MYH3: variants seen among roughly 807,000 people sequenced by gnomAD.
The protein encoded by MYH3 is myosin-3.
A neutral mutation model predicts 238.0 loss-of-function variants in MYH3; 130 were observed. The ratio of observed to expected loss-of-function variants is 0.55; its 90% confidence interval spans 0.47 to 0.63. MYH3 has a LOEUF of 0.63. MYH3 is among the 30% of genes least tolerant of loss of function. The probability of loss-of-function intolerance (pLI) is 0.00; values close to 1 mark genes in which losing one functional copy is unlikely to be tolerated. For missense variants in MYH3, 1,853 were observed against 2,374.9 expected, an observed-to-expected ratio of 0.78 and a Z score of 4.57; for synonymous variants, 880 against 924.1, an observed-to-expected ratio of 0.95 and a Z score of 0.86.
chr17:10,670,617 CTCTT>C, the MYH3 span, among the ~76,000 whole-genome samples: 10 of 151,990 alleles, frequency 6.6e-5, no homozygotes, highest in Non-Finnish European at 8.8e-5. The surrounding 1 kb of genome is among the most constrained non-coding windows in gnomAD (Gnocchi z 7.0). Flanking sequence ...TTAATAATGA[CTCTT>C]TCTTACTGCA....
intron 12 of MYH3, among the ~76,000 whole-genome samples, 166 bp from the exon 13 acceptor site, chr17:10,644,868 G>A (rs1032519735): frequency 4.6e-5 from 7 of 152,232 alleles, no homozygotes; most frequent in South Asian, 2.1e-4. Flanking sequence ...AGAATATAAT[G>A]GACTTTATGA....
At chr17:10,662,173 C>T (rs1451492474), upstream of MYH3, among the ~76,000 whole-genome samples, 2 of 151,990 alleles carry the variant, frequency 1.3e-5, no homozygotes, top group African/African-American at 4.8e-5. Flanking sequence ...AGGGAGGTGC[C>T]CCCATGCCAG....
intron 28 of MYH3, among the ~76,000 whole-genome samples, chr17:10,636,441 T>G (rs2074216492): frequency 6.6e-6 from 1 of 152,168 alleles, no homozygotes; most frequent in South Asian, 2.1e-4. Flanking sequence ...TGGCAGGTGT[T>G]TCCAGCTGTT....
intron 31 of MYH3, 68 bp downstream of exon 31, chr17:10,634,769 TCTC>T (rs1188177021): frequency 1.3e-6 from 2 of 1,594,520 alleles, no homozygotes; most frequent in Non-Finnish European, 1.7e-6. Context: ...CGGGATGCAT[TCTC>T]CTCCTTCCAC....
At chr17:10,677,646 T>C in the MYH3 span, 6 of 152,346 alleles carry the variant, frequency 3.9e-5, no homozygotes, top group Admixed American at 2.0e-4. Context: ...ACTTAAGATA[T>C]CAGCTGCTTC....
At chr17:10,640,731 A>G in intron 19 of MYH3, 45 bp from the exon 20 acceptor site, 1 of 1,605,754 alleles carries the variant, frequency 6.2e-7, no homozygotes, top group Non-Finnish European at 8.5e-7. Context: ...TGGCAAAGAC[A>G]CAAACCTTGG....
At position 10,654,921 on chromosome 17, in the gene MYH3, G is replaced by A. The variant is rs1464221429; in HGVS notation, c.144C>T (p.Ala48=). 1 of 1,614,150 alleles carries A rather than the reference G, an allele frequency of 6.2e-7. No homozygotes were observed. The highest frequency in any genetic ancestry group is 2.2e-5 in the East Asian group (1 of 44,880). The part of the protein sequence containing the change: ...CFVVDSKEEY[A]KGKIKSSQDG... ...CCTGAGAACTCTTGATTTTCCCCTT[G>A]GCATATTCTTCCTTTGAGTCCACCA... The change falls in exon 3 of 41, where the codon GCC becomes GCT. Residue 48 remains alanine, a synonymous_variant. Transcript: ENST00000583535. This position sits in a 1 kb window ranked among gnomAD's most constrained non-coding sequence, Gnocchi z 4.5.
chr17:10,672,998 CTT>C, the MYH3 span: 68,069 of 135,002 alleles, frequency 0.5, 15,875 homozygotes, highest in East Asian at 0.62. Context: ...CCTAATTTTT[CTT>C]TTTTTTCTTT....
At chr17:10,676,605 T>C in the MYH3 span, 5 of 152,348 alleles carry the variant, frequency 3.3e-5, 1 homozygote, top group Middle Eastern at 0.017. Flanking sequence ...ACTCAAGTTT[T>C]CTTTCGGTTA....
chr17:10,666,088 C>T, the MYH3 span, among the ~76,000 whole-genome samples: 1 of 152,244 alleles, frequency 6.6e-6, no homozygotes. Flanking sequence ...CTCACACATA[C>T]ACCAGATTAA....
At chr17:10,671,390 T>C in the MYH3 span, among the ~76,000 whole-genome samples, 19 of 152,246 alleles carry the variant, frequency 1.2e-4, no homozygotes, top group Non-Finnish European at 2.2e-4. Flanking sequence ...CTGCCACACT[T>C]CACATTCCAT....
At chr17:10,657,812 G>T (rs1394213114), upstream of MYH3, among the ~76,000 whole-genome samples, 1 of 151,750 alleles carries the variant, frequency 6.6e-6, no homozygotes, top group Non-Finnish European at 1.5e-5. Flanking sequence ...CCTGTGCCAG[G>T]AATAATTAAT....
rs1445778233 is a variant in MYH3, at chr17:10,654,050, C to T, written c.204+811G>A. On this transcript the variant is annotated intron_variant, in intron 3 of 40. Coordinates refer to ENST00000583535, the MANE Select transcript of MYH3 (RefSeq NM_002470.4). This position sits in a 1 kb window ranked among gnomAD's most constrained non-coding sequence, Gnocchi z 4.5. ...TAGGCTCACTGCAAGCTCCACCTCC[C>T]GGGTTCACGTGCAGGGCGGTTTTTA... Among the ~76,000 whole-genome samples the T allele has an allele frequency of 1.3e-5, 2 of 152,036 alleles. No individual in the cohort carries two copies. Among genetic ancestry groups the T allele is most frequent in the African/African-American group, 2.4e-5 (1 of 41,412 alleles).
Position 10,649,729 on chromosome 17 carries a change from AGT to A in MYH3, c.534-46_534-45del, listed in dbSNP as rs781114499. 48 of 1,581,714 alleles carry A rather than the reference AGT, an allele frequency of 3.0e-5. No individual in the cohort carries two copies. The African/African-American group carries it at 6.4e-4, about 21-fold the overall frequency. On this transcript the variant is annotated intron_variant, in intron 6 of 40. Coordinates refer to ENST00000583535, the MANE Select transcript of MYH3 (RefSeq NM_002470.4). ...AGAGAGAGAAAGAAACAAGTCTGTT[AGT>A]ATAAACAGGCTTTTCAGGATGTCAT...
Position 10,637,926 on chromosome 17 carries a change from C to T in MYH3, c.3739G>A (p.Glu1247Lys), listed in dbSNP as rs770539752. Residue 1247 changes from glutamate (E) to lysine (K), a missense_variant, in exon 28 of 41, where the codon GAA becomes AAA. Coordinates refer to ENST00000583535, the MANE Select transcript of MYH3 (RefSeq NM_002470.4). ...ESVSKSKANL[E>K]KICRTLEDQL... ...TCCTCCAGGGTTCGGCAGATTTTTT[C>T]CAGATTTGCCTGAAGGATTCAGAAA... 1 of 1,614,090 alleles carries T rather than the reference C, an allele frequency of 6.2e-7. No homozygotes were observed. Among genetic ancestry groups the T allele is most frequent in the South Asian group, 1.1e-5 (1 of 91,068 alleles).
chr17:10,666,335 G>A, the MYH3 span, among the ~76,000 whole-genome samples: 20 of 151,850 alleles, frequency 1.3e-4, no homozygotes, highest in South Asian at 6.3e-4. Context: ...ATCACAACAC[G>A]TTGGCCAGCT....
At chr17:10,658,449 A>G (rs1196419410), upstream of MYH3, 1 of 152,284 alleles carries the variant, frequency 6.6e-6, no homozygotes, top group East Asian at 1.9e-4. Context: ...GTCTCAGGGC[A>G]AAGGCACGTG....
In MYH3 at chr17:10,645,687, C is replaced by A; in HGVS notation, c.1141+20G>T. The A allele has an allele frequency of 6.2e-7, 1 of 1,611,902 alleles. No individual in the cohort carries two copies. Among genetic ancestry groups the A allele is most frequent in the Admixed American group, 1.7e-5 (1 of 59,972 alleles). On this transcript the variant is annotated intron_variant, in intron 12 of 40. Coordinates refer to ENST00000583535, the MANE Select transcript of MYH3 (RefSeq NM_002470.4). ...CAGATCAGCCACCCGCTCTGGTTTG[C>A]TGTCACACTGATTTTGTACCTTCTG...
intron 6 of MYH3, 110 bp downstream of exon 6, chr17:10,650,264 C>T: frequency 1.8e-6 from 2 of 1,142,146 alleles, no homozygotes; most frequent in Non-Finnish European, 2.6e-6. Flanking sequence ...GTGTCAGCCA[C>T]CGCGCCCAGC....
Sources: gnomAD v4.1 joint callset for allele counts (sites outside exome capture counted in the v4.1 genomes callset) on GRCh38, gnomAD v4.1.1 for gene constraint, Gnocchi (gnomAD v3.1) non-coding constraint, MANE v1.5 for transcripts, NCBI Gene and HGNC (gene_info 2026-07-23, HGNC 2026-07-21) for gene names.